Variants in DLC1 observed in about 807,000 individuals in gnomAD.
The protein encoded by DLC1 is rho GTPase-activating protein 7.
DLC1 carries 54 observed loss-of-function variants against 140.3 expected under a neutral mutation model. That is an observed-to-expected ratio of 0.38 (90% CI 0.31 to 0.48). The LOEUF (loss-of-function observed/expected upper bound fraction) is 0.48, where lower values mean the gene tolerates loss of function less well. Ranked by LOEUF, DLC1 falls within the 20% of genes least tolerant of loss-of-function variation. The pLI, the probability that DLC1 is intolerant of heterozygous loss-of-function variation, is 0.96. For synonymous variants in DLC1, 986 were observed against 728.1 expected (o/e 1.35, Z -5.70); for missense variants, 2,536 against 1,907.0 (o/e 1.33, Z -6.14).
intron 5 of DLC1, among the ~76,000 whole-genome samples, chr8:13,175,287 A>C (rs114669574): frequency 2.1e-5 from 3 of 144,662 alleles, no homozygotes; most frequent in African/African-American, 7.7e-5. Flanking sequence ...GAAGTTGGGT[A>C]ATGTGATGCC....
chr8:13,593,171 TAGC>T (rs1805574276), intron 1 of DLC1, among the ~76,000 whole-genome samples: 1 of 152,148 alleles, frequency 6.6e-6, no homozygotes, highest in Non-Finnish European at 1.5e-5. Context: ...CCCATTTTAT[TAGC>T]AGCAGGCCAA....
At chr8:13,249,321 A>AC (rs1440959270) in intron 5 of DLC1, among the ~76,000 whole-genome samples, 2 of 151,660 alleles carry the variant, frequency 1.3e-5, no homozygotes, top group Non-Finnish European at 2.9e-5. Flanking sequence ...CAGGCAATCC[A>AC]CCCGCCTCAG....
intron 1 of DLC1, among the ~76,000 whole-genome samples, chr8:13,586,929 TG>T (rs1488793995): frequency 6.6e-6 from 1 of 152,186 alleles, no homozygotes; most frequent in Non-Finnish European, 1.5e-5. Flanking sequence ...AAGACCCACC[TG>T]CATCAGGTGC....
chr8:13,527,683 G>T (rs922268025), intron 1 of DLC1, among the ~76,000 whole-genome samples: 2 of 152,052 alleles, frequency 1.3e-5, no homozygotes, highest in Non-Finnish European at 2.9e-5. Flanking sequence ...CACTGGAAAA[G>T]AATGAATATT....
intron 4 of DLC1, chr8:13,341,283 T>C (rs1729116): frequency 0.93 from 141,047 of 152,280 alleles, 65,945 homozygotes; most frequent in East Asian, 1. Context: ...GGGAATTGTC[T>C]AGTCTAGAAA....
Position 13,100,526 on chromosome 8 carries a change from G to C in DLC1, c.1811C>G (p.Pro604Arg). 1.2e-6 allele frequency: 2 copies of C among 1,612,798 alleles called. No individual in the cohort carries two copies. Among genetic ancestry groups the C allele is most frequent in the Middle Eastern group, 1.7e-4 (1 of 6,054 alleles). ...ATCCTCGCTGGGGGGCGCGTGGCTG[G>C]GGAGGCTGCCAGTGCTGCTGAGGCT... Reference protein sequence around the residue: ...VRSLSSTGSLPSHAPPSEDAA... With the variant: ...VRSLSSTGSLRSHAPPSEDAA... The change falls in exon 9 of 18, where the codon CCC (proline) becomes CGC (arginine). Residue 604 changes from proline (P) to arginine (R), a missense_variant. Physicochemically the swap from Pro to Arg is moderately radical, Grantham distance 103 (BLOSUM62 -2). Coordinates refer to ENST00000276297, the MANE Select transcript of DLC1 (RefSeq NM_182643.3).
At chr8:13,112,477 CAAGG>C (rs1205397656) in intron 6 of DLC1, among the ~76,000 whole-genome samples, 2 of 152,060 alleles carry the variant, frequency 1.3e-5, no homozygotes, top group East Asian at 3.9e-4. Flanking sequence ...ATAAGCAGAC[CAAGG>C]AAGTGGCTAT....
At chr8:13,354,952 CAA>C (rs33950865) in intron 4 of DLC1, among the ~76,000 whole-genome samples, 166 of 106,944 alleles carry the variant, frequency 1.6e-3, no homozygotes, top group Non-Finnish European at 1.9e-3. Flanking sequence ...GACACTGGCT[CAA>C]AAAAAAAAAA....
intron 4 of DLC1, among the ~76,000 whole-genome samples, chr8:13,315,282 T>C (rs995401662): frequency 6.6e-6 from 1 of 152,160 alleles, no homozygotes; most frequent in Non-Finnish European, 1.5e-5. Context: ...ATGTTAATAA[T>C]AAAAAGAAAC....
chr8:13,551,202 T>G (rs1431879426), intron 1 of DLC1, among the ~76,000 whole-genome samples: 3 of 152,058 alleles, frequency 2.0e-5, no homozygotes, highest in Non-Finnish European at 4.4e-5. Context: ...TTAAATGATT[T>G]ACACAGAAAA....
At chr8:13,220,786 C>T (rs1262725959) in intron 5 of DLC1, among the ~76,000 whole-genome samples, 1 of 152,144 alleles carries the variant, frequency 6.6e-6, no homozygotes, top group African/African-American at 2.4e-5. Flanking sequence ...GGATTTATTA[C>T]AGCATCAAAG....
chr8:13,192,267 T>C (rs1826801254), intron 5 of DLC1, among the ~76,000 whole-genome samples: 1 of 152,040 alleles, frequency 6.6e-6, no homozygotes, highest in African/African-American at 2.4e-5. Flanking sequence ...ATTATTCTTG[T>C]ATGTCAGGAA....
At chr8:13,269,001 G>C (rs943211716) in intron 5 of DLC1, among the ~76,000 whole-genome samples, 1 of 151,166 alleles carries the variant, frequency 6.6e-6, no homozygotes, top group Non-Finnish European at 1.5e-5. Context: ...CAGCCTCCGA[G>C]TAGCTGGGAC....
intron 5 of DLC1, among the ~76,000 whole-genome samples, chr8:13,258,709 T>G (rs889769605): frequency 1.3e-5 from 2 of 152,214 alleles, no homozygotes; most frequent in African/African-American, 2.4e-5. Context: ...ACATAGTATG[T>G]CCTACATGAA....
chr8:13,094,784 C>T lies in DLC1; in HGVS notation c.3501G>A (p.Ser1167=), dbSNP rs658856. The change falls in exon 12 of 18, where the codon TCG becomes TCA. Residue 1167 remains serine, a synonymous_variant. Coordinates refer to ENST00000276297, the MANE Select transcript of DLC1 (RefSeq NM_182643.3). ...ATTGGTAGATCTGTAGAAAGGTTTCCGAGAGTTTGTTCGTCATTAGTGGCT... is the reference window on the plus strand; with the variant it reads ...ATTGGTAGATCTGTAGAAAGGTTTCTGAGAGTTTGTTCGTCATTAGTGGCT... ...LPEPLMTNKL[S]ETFLQIYQYV... The T allele has an allele frequency of 0.061, 98,066 of 1,613,980 alleles. 4,569 individuals carry two copies. The highest frequency in any genetic ancestry group is 0.24 in the African/African-American group (18,021 of 74,928).
At chr8:13,370,821 C>T (rs771371941) in intron 4 of DLC1, among the ~76,000 whole-genome samples, 3 of 152,288 alleles carry the variant, frequency 2.0e-5, no homozygotes, top group South Asian at 2.1e-4. Flanking sequence ...CAGCCTCTCA[C>T]GCAGTTTCTG....
intron 1 of DLC1, chr8:13,535,917 A>G (rs1054374931): frequency 1.3e-5 from 2 of 152,024 alleles, no homozygotes; most frequent in Non-Finnish European, 2.9e-5. Context: ...GGAGGTACAG[A>G]ATTATGTAAG....
intron 5 of DLC1, 110 bp from the exon 6 acceptor site, chr8:13,115,767 A>C (rs1166680079): frequency 1.0e-6 from 1 of 965,458 alleles, no homozygotes; most frequent in African/African-American, 1.6e-5. Context: ...CTGCCATAGA[A>C]AATACAGATA....
At chr8:13,501,487 G>T (rs1201736894) in intron 1 of DLC1, among the ~76,000 whole-genome samples, 1 of 152,136 alleles carries the variant, frequency 6.6e-6, no homozygotes. Flanking sequence ...CACAACATGG[G>T]TTGAGTTACT....
Sources: allele counts gnomAD v4.1 joint callset (sites outside exome capture counted in the v4.1 genomes callset), GRCh38; gene constraint gnomAD v4.1.1; transcripts MANE v1.5; gene names NCBI Gene and HGNC (gene_info 2026-07-23, HGNC 2026-07-21).